Variants in GABRB2 observed in about 807,000 individuals in gnomAD.
GABRB2 encodes gamma-aminobutyric acid receptor subunit beta-2.
A neutral mutation model predicts 54.7 loss-of-function variants in GABRB2; 16 were observed. The ratio of observed to expected loss-of-function variants is 0.29; its 90% CI spans 0.20 to 0.44. The LOEUF (loss-of-function observed/expected upper bound fraction) is 0.44, where lower values mean the gene tolerates loss of function less well. GABRB2 is among the 20% of genes least tolerant of loss of function. GABRB2 has a pLI of 1.00. For missense variants in GABRB2, 355 were observed against 644.0 expected, an observed-to-expected ratio of 0.55 and a Z score of 4.86; for synonymous variants, 244 against 233.8, an observed-to-expected ratio of 1.04 and a Z score of -0.40.
intron 4 of GABRB2, among the ~76,000 whole-genome samples, chr5:161,457,337 T>C (rs975822088): frequency 2.6e-5 from 4 of 152,212 alleles, no homozygotes; most frequent in Non-Finnish European, 5.9e-5. Context: ...GTCCCAGTGA[T>C]CTTAATGATA....
intron 5 of GABRB2, among the ~76,000 whole-genome samples, chr5:161,403,552 A>G (rs1037920755): frequency 2.0e-5 from 3 of 152,164 alleles, no homozygotes; most frequent in African/African-American, 4.8e-5. Context: ...ATCTGAAGAA[A>G]ATCATCAGCA....
At chr5:161,466,366 T>A (rs1039675340) in intron 3 of GABRB2, among the ~76,000 whole-genome samples, 1 of 152,070 alleles carries the variant, frequency 6.6e-6, no homozygotes, top group Admixed American at 6.6e-5. Context: ...TATTTTAGGA[T>A]TATGGAAAGT....
chr5:161,359,734 G>A (rs1480255573), intron 5 of GABRB2, among the ~76,000 whole-genome samples: 1 of 152,136 alleles, frequency 6.6e-6, no homozygotes, highest in Non-Finnish European at 1.5e-5. Flanking sequence ...GGCTAGAAAA[G>A]CACTACAGAT....
chr5:161,305,154 C>T (rs1266375258), intron 9 of GABRB2, among the ~76,000 whole-genome samples: 1 of 151,212 alleles, frequency 6.6e-6, no homozygotes, highest in Non-Finnish European at 1.5e-5. Flanking sequence ...GTAGCTGGGA[C>T]TACAGGCGCC....
intron 3 of GABRB2, among the ~76,000 whole-genome samples, chr5:161,463,600 T>TGA (rs1758193827): frequency 9.7e-6 from 1 of 103,334 alleles, no homozygotes; most frequent in Non-Finnish European, 2.0e-5. Flanking sequence ...TATATATATA[T>TGA]GAAAGAGAAT....
At chr5:161,437,903 C>G (rs907612417) in intron 4 of GABRB2, among the ~76,000 whole-genome samples, 4 of 152,198 alleles carry the variant, frequency 2.6e-5, no homozygotes, top group Admixed American at 2.6e-4. Context: ...AGGTAGACTT[C>G]TAAGGTTTTT....
At chr5:161,452,696 T>G (rs1199878201) in intron 4 of GABRB2, among the ~76,000 whole-genome samples, 1 of 152,136 alleles carries the variant, frequency 6.6e-6, no homozygotes, top group Non-Finnish European at 1.5e-5. Context: ...CCTAAAATTT[T>G]TTTTTTTTAA....
chr5:161,515,215 C>T (rs1311796006), intron 3 of GABRB2, among the ~76,000 whole-genome samples: 2 of 151,960 alleles, frequency 1.3e-5, no homozygotes, highest in African/African-American at 2.4e-5. Context: ...TTAAAATCTT[C>T]AAGTTTTTCT....
intron 5 of GABRB2, among the ~76,000 whole-genome samples, chr5:161,347,013 C>T (rs1232136729): frequency 2.0e-5 from 3 of 152,092 alleles, no homozygotes; most frequent in African/African-American, 7.2e-5. Flanking sequence ...AGGTGGACAG[C>T]AGGCCTGCTG....
At chr5:161,403,800 T>A (rs1413180251) in intron 5 of GABRB2, among the ~76,000 whole-genome samples, 2 of 152,112 alleles carry the variant, frequency 1.3e-5, no homozygotes, top group Non-Finnish European at 2.9e-5. Context: ...ATAAAATAAA[T>A]GTTAGCAATC....
At position 161,520,972 on chromosome 5, in the gene GABRB2, T is replaced by C. The variant is rs74643982; in HGVS notation, c.237+24255A>G. Among the ~76,000 whole-genome samples, 874 of 152,188 alleles carry C rather than the reference T, an allele frequency of 5.7e-3. 8 individuals carry two copies. Among genetic ancestry groups the C allele is most frequent in the African/African-American group, 0.02 (817 of 41,564 alleles). On this transcript the variant is annotated intron_variant, in intron 3 of 9. Transcript: ENST00000393959. The stretch of plus-strand genomic sequence containing the variant: ...ATAAAATAATACTTATTGATTTTTA[T>C]GCTGTCTGAAGGAGGTCTATGTCTT...
At chr5:161,384,154 C>A (rs1755554315) in intron 5 of GABRB2, among the ~76,000 whole-genome samples, 1 of 152,160 alleles carries the variant, frequency 6.6e-6, no homozygotes, top group Non-Finnish European at 1.5e-5. Flanking sequence ...TAAAGGTCAT[C>A]TTCTCCAAAT....
chr5:161,514,483 T>G (rs1282454121), intron 3 of GABRB2, among the ~76,000 whole-genome samples: 1 of 152,178 alleles, frequency 6.6e-6, no homozygotes, highest in Non-Finnish European at 1.5e-5. Context: ...CCAGATATAG[T>G]GTCTGACCTA....
chr5:161,483,994 G>T (rs1053611142), intron 3 of GABRB2, among the ~76,000 whole-genome samples: 1 of 151,540 alleles, frequency 6.6e-6, no homozygotes, highest in South Asian at 2.1e-4. Context: ...TACTAAAGAG[G>T]ATTCTATCTT....
At chr5:161,311,934 T>C (rs983521167) in intron 9 of GABRB2, among the ~76,000 whole-genome samples, 2 of 152,198 alleles carry the variant, frequency 1.3e-5, no homozygotes, top group African/African-American at 4.8e-5. Flanking sequence ...GGAAGAATTT[T>C]CCAAGAACCT....
intron 3 of GABRB2, among the ~76,000 whole-genome samples, chr5:161,500,930 C>T (rs1759415771): frequency 2.0e-5 from 3 of 152,058 alleles, no homozygotes; most frequent in Admixed American, 2.0e-4. Flanking sequence ...GTGCACTGCA[C>T]CCACTAACTC....
In GABRB2 at chr5:161,459,528, A is replaced by G; in HGVS notation, c.458+96T>C. On this transcript the variant is annotated intron_variant, in intron 4 of 9. Transcript: ENST00000393959. ...CTTAACTGTTTCTTAGTAGAATTGA[A>G]GAAAGATAAGGAAAATAGCACAATA... 2.9e-6 allele frequency: 3 copies of G among 1,045,694 alleles called. No homozygotes were observed. In the South Asian group the frequency reaches 4.2e-5, roughly 15 times the overall value. 64.8% of individuals were successfully genotyped at this position (1,045,694 alleles called of 1,614,324 possible). A position where few individuals can be genotyped will look rare whatever the true frequency, so the allele number is the denominator to read the frequency against.
chr5:161,335,290 A>C (rs1241463541), intron 6 of GABRB2, among the ~76,000 whole-genome samples: 1 of 152,178 alleles, frequency 6.6e-6, no homozygotes, highest in Non-Finnish European at 1.5e-5. Flanking sequence ...TTCTGGTCAT[A>C]GTAAAAGAAA....
At chr5:161,411,381 C>A (rs1209755952) in intron 4 of GABRB2, among the ~76,000 whole-genome samples, 7 of 152,164 alleles carry the variant, frequency 4.6e-5, no homozygotes, top group Admixed American at 4.6e-4. Context: ...ATTTCACAAG[C>A]ATCACTGCTG....
Sources: allele counts gnomAD v4.1 joint callset (sites outside exome capture counted in the v4.1 genomes callset), GRCh38; gene constraint gnomAD v4.1.1; transcripts MANE v1.5; gene names NCBI Gene and HGNC (gene_info 2026-07-23, HGNC 2026-07-21).